The following KCNQ5 variants were observed in gnomAD, a reference collection of about 807,000 sequenced individuals.
The protein encoded by KCNQ5 is potassium voltage-gated channel subfamily KQT member 5.
KCNQ5 carries 30 observed loss-of-function variants against 98.2 expected under a neutral mutation model. That is an observed-to-expected ratio of 0.31 (90% CI 0.23 to 0.41). KCNQ5 has a LOEUF of 0.41. Among genes scored for constraint, KCNQ5 ranks in the 10% least tolerant of loss-of-function variants. The probability of loss-of-function intolerance (pLI) is 1.00; values close to 1 mark genes in which losing one functional copy is unlikely to be tolerated. For synonymous variants in KCNQ5, 458 were observed against 449.4 expected, an observed-to-expected ratio of 1.02 and a Z score of -0.24; for missense variants, 835 against 1,182.5, an observed-to-expected ratio of 0.71 and a Z score of 4.31.
Position 72,994,406 on chromosome 6 carries a change from G to C in KCNQ5, c.399-9502G>C, listed in dbSNP as rs1188581720. Among the ~76,000 whole-genome samples, 6 of 98,718 alleles carry C rather than the reference G, an allele frequency of 6.1e-5. No individual in the cohort carries two copies. In the East Asian group the frequency reaches 1.5e-3, roughly 24 times the overall value. The allele number at this position is 98,718 out of a possible 152,430, so 64.8% of individuals were successfully genotyped here. On this transcript the variant is annotated intron_variant, in intron 1 of 13. Transcript: ENST00000370398. ...GGTCTGAAAAGCGCAATATTCGGGT[G>C]GGAGTGACCCGATTTTCCAGGTGCG...
intron 8 of KCNQ5, among the ~76,000 whole-genome samples, chr6:73,123,525 C>A (rs746567630): frequency 1.3e-5 from 2 of 152,160 alleles, no homozygotes; most frequent in Non-Finnish European, 2.9e-5. Context: ...ATACAACCAG[C>A]AGTTCCTTAC....
At chr6:72,778,843 GTTCAAATAGT>G (rs1266912677) in intron 1 of KCNQ5, among the ~76,000 whole-genome samples, 3 of 152,272 alleles carry the variant, frequency 2.0e-5, no homozygotes, top group African/African-American at 7.2e-5. Context: ...GAGCACAGAA[GTTCAAATAGT>G]TTTCAAAACA....
At chr6:72,770,419 T>C (rs1582257214) in intron 1 of KCNQ5, among the ~76,000 whole-genome samples, 1 of 152,036 alleles carries the variant, frequency 6.6e-6, no homozygotes, top group Admixed American at 6.6e-5. Context: ...ATTTCAGGGG[T>C]TTGACAAGAA....
chr6:72,682,357 G>A (rs908211239), intron 1 of KCNQ5, among the ~76,000 whole-genome samples: 3 of 152,142 alleles, frequency 2.0e-5, no homozygotes, highest in African/African-American at 4.8e-5. Flanking sequence ...TGTTTCTGAA[G>A]GTACTGGAAG....
In KCNQ5 at chr6:72,844,956, G is replaced by A. The variant is rs148785103; in HGVS notation, c.399-158952G>A. On this transcript the variant is annotated intron_variant, in intron 1 of 13. Transcript: ENST00000370398. ...ACATTAGAAATATTTTTAGCTTGAC[G>A]TGAAACTTTCCAAAGGCTCCTAATT... Among the ~76,000 whole-genome samples the A allele has an allele frequency of 9.9e-5, 15 of 152,266 alleles. No homozygotes were observed. The East Asian group carries it at 1.5e-3, about 16-fold the overall frequency.
intron 1 of KCNQ5, among the ~76,000 whole-genome samples, chr6:72,776,972 C>T (rs533134843): frequency 3.3e-5 from 5 of 152,034 alleles, no homozygotes; most frequent in East Asian, 1.9e-4. Context: ...ATGAGGAGGC[C>T]GGAACAGACA....
intron 1 of KCNQ5, among the ~76,000 whole-genome samples, chr6:72,828,130 A>G (rs1248949032): frequency 1.3e-5 from 2 of 152,086 alleles, no homozygotes; most frequent in Non-Finnish European, 2.9e-5. Context: ...TAGTTCCTGC[A>G]GGTTTGTAGT....
intron 1 of KCNQ5, among the ~76,000 whole-genome samples, chr6:72,885,482 A>G (rs11756197): frequency 0.27 from 41,442 of 152,102 alleles, 5,860 homozygotes; most frequent in Admixed American, 0.31. Context: ...AAATTTTTAA[A>G]AAGAATGTAC....
At chr6:72,683,034 C>T (rs115741489) in intron 1 of KCNQ5, among the ~76,000 whole-genome samples, 2,030 of 152,300 alleles carry the variant, frequency 0.013, 33 homozygotes, top group African/African-American at 0.042. Flanking sequence ...TTTTTTAACT[C>T]AGTGTGTCTT....
intron 11 of KCNQ5, among the ~76,000 whole-genome samples, chr6:73,180,601 C>T (rs1274920506): frequency 6.6e-6 from 1 of 152,208 alleles, no homozygotes; most frequent in Non-Finnish European, 1.5e-5. Flanking sequence ...TCCACCACCA[C>T]ATGCCACCAT....
chr6:72,630,368 C>T (rs1158246675), intron 1 of KCNQ5: 1 of 152,144 alleles, frequency 6.6e-6, no homozygotes, highest in Non-Finnish European at 1.5e-5. Flanking sequence ...ATTCCTTCTT[C>T]AGTCAGTGGC....
intron 10 of KCNQ5, among the ~76,000 whole-genome samples, chr6:73,142,397 C>G (rs1181052033): frequency 6.6e-6 from 1 of 152,046 alleles, no homozygotes; most frequent in Non-Finnish European, 1.5e-5. Context: ...CACCAATTCC[C>G]CATTCCTTTC....
intron 1 of KCNQ5, among the ~76,000 whole-genome samples, chr6:72,827,279 T>C (rs1310056849): frequency 6.6e-6 from 1 of 152,182 alleles, no homozygotes; most frequent in Non-Finnish European, 1.5e-5. Context: ...ATTCTATTTG[T>C]GGTTTTATGA....
rs560952753 is a variant in KCNQ5 at position 72,904,561 on chromosome 6, G to A, written c.399-99347G>A. On this transcript the variant is annotated intron_variant, in intron 1 of 13. Coordinates refer to ENST00000370398, the MANE Select transcript of KCNQ5 (RefSeq NM_019842.4). ...TTAGCAGTTCTTGTAGTGGTGGCTA[G>A]TAGTGGTGGATTCTCTCAGCATTTG... Among the ~76,000 whole-genome samples, 5 of 152,300 alleles carry A rather than the reference G, an allele frequency of 3.3e-5. No homozygotes were observed. The East Asian group carries it at 9.6e-4, about 29-fold the overall frequency.
chr6:72,726,255 G>T (rs1477616598), intron 1 of KCNQ5, among the ~76,000 whole-genome samples: 6 of 146,974 alleles, frequency 4.1e-5, no homozygotes, highest in African/African-American at 1.5e-4. Flanking sequence ...CTGTCGCCCA[G>T]GCTGGAGTGC....
chr6:73,136,702 T>G (rs1342096026), intron 10 of KCNQ5: 1 of 152,212 alleles, frequency 6.6e-6, no homozygotes, highest in Non-Finnish European at 1.5e-5. Flanking sequence ...CTGATTGAAT[T>G]CAATGTTGCG....
At chr6:72,815,862 A>G (rs542039552) in intron 1 of KCNQ5, among the ~76,000 whole-genome samples, 2 of 152,318 alleles carry the variant, frequency 1.3e-5, no homozygotes, top group South Asian at 4.1e-4. Flanking sequence ...CTTGATGGAA[A>G]GATGACAAGT....
chr6:73,163,662 C>T (rs1327670263), intron 10 of KCNQ5, among the ~76,000 whole-genome samples: 1 of 152,208 alleles, frequency 6.6e-6, no homozygotes, highest in Non-Finnish European at 1.5e-5. Context: ...GCAGAAGAAT[C>T]GCTTGAACCC....
At chr6:72,860,645 C>A (rs76173260) in intron 1 of KCNQ5, among the ~76,000 whole-genome samples, 2,900 of 152,114 alleles carry the variant, frequency 0.019, 89 homozygotes, top group African/African-American at 0.066. Flanking sequence ...TCAATGTATT[C>A]ATTTTCTACT....
Sources: gnomAD v4.1 joint callset for allele counts (sites outside exome capture counted in the v4.1 genomes callset) on GRCh38, gnomAD v4.1.1 for gene constraint, MANE v1.5 for transcripts, NCBI Gene and HGNC (gene_info 2026-07-23, HGNC 2026-07-21) for gene names.